Variants in MIGA1 observed in about 807,000 individuals in gnomAD.
MIGA1 encodes the protein family with sequence similarity 73, member A.
Under a neutral mutation model 82.0 loss-of-function variants are expected in MIGA1, and 58 were observed. The ratio of observed to expected loss-of-function variants is 0.71; its 90% confidence interval spans 0.57 to 0.88. The LOEUF is 0.88. Ranked by LOEUF, MIGA1 falls within the 40% of genes least tolerant of loss-of-function variation. The pLI, the probability that MIGA1 is intolerant of heterozygous loss-of-function variation, is 0.00. For synonymous variants in MIGA1, 249 were observed against 253.6 expected, an observed-to-expected ratio of 0.98 and a Z score of 0.17; for missense variants, 751 against 749.1, an observed-to-expected ratio of 1.00 and a Z score of -0.03.
intron 7 of MIGA1, among the ~76,000 whole-genome samples, chr1:77,818,102 T>C (rs189024388): frequency 1.1e-4 from 16 of 151,620 alleles, no homozygotes; most frequent in African/African-American, 3.9e-4. Context: ...ACTACAGGTG[T>C]GTGCCACCAC....
rs1490857337 is a variant in MIGA1 at position 77,859,062 on chromosome 1, A to G, written c.1115+6A>G. On this transcript the variant is annotated splice_donor_region_variant and intron_variant, in intron 9 of 15. Coordinates refer to ENST00000370791, the MANE Select transcript of MIGA1 (RefSeq NM_198549.4). ...ATTTACTCCAGAGTACTGAGGTACC[A>G]TTTCAGTTTTGTTTATGTTTATGAA... The G allele has an allele frequency of 2.0e-6, 3 of 1,527,532 alleles. No homozygotes were observed. The South Asian group carries it at 3.4e-5, about 17-fold the overall frequency. The allele number at this position is 1,527,532 out of a possible 1,614,324, so 94.6% of individuals were successfully genotyped here.
chr1:77,852,507 T>C (rs1685093216), intron 8 of MIGA1, among the ~76,000 whole-genome samples: 1 of 152,102 alleles, frequency 6.6e-6, no homozygotes, highest in Non-Finnish European at 1.5e-5. Flanking sequence ...ATCATAAATA[T>C]TGCTGATGCT....
At chr1:77,847,536 A>G in intron 8 of MIGA1, 1 of 1,466,174 alleles carries the variant, frequency 6.8e-7, no homozygotes, top group Non-Finnish European at 9.6e-7. Context: ...AGAAATGGAA[A>G]AGGGAGAGTT....
At chr1:77,788,534 G>A (rs749964852) in intron 2 of MIGA1, among the ~76,000 whole-genome samples, 1 of 152,060 alleles carries the variant, frequency 6.6e-6, no homozygotes, top group Non-Finnish European at 1.5e-5. Flanking sequence ...TTTGTTGCCT[G>A]TGTCTTCATT....
intron 7 of MIGA1, among the ~76,000 whole-genome samples, chr1:77,839,687 G>A (rs189517144): frequency 1.3e-5 from 2 of 151,988 alleles, no homozygotes; most frequent in Admixed American, 6.6e-5. Context: ...TTGGTTTTCC[G>A]TTTTCCATGC....
rs781497850 is a variant in MIGA1 at position 77,828,551 on chromosome 1, AG to A, written c.895+13321del. Among the ~76,000 whole-genome samples, 112 of 152,260 alleles carry A rather than the reference AG, an allele frequency of 7.4e-4. 3 individuals carry two copies. The highest frequency in any genetic ancestry group is 2.2e-4 in the Non-Finnish European group (15 of 68,048). On this transcript the variant is annotated intron_variant, in intron 7 of 15. Transcript: ENST00000370791. ...TACAGAACTTTATTTTTAGTGAAGTAGAAATTTAAAACTAATTTTTTAAGTA... is the reference window on the plus strand; with the variant it reads ...TACAGAACTTTATTTTTAGTGAAGTAAAATTTAAAACTAATTTTTTAAGTA...
chr1:77,785,247 G>A (rs545085961), intron 2 of MIGA1, among the ~76,000 whole-genome samples: 135 of 152,284 alleles, frequency 8.9e-4, no homozygotes, highest in Non-Finnish European at 1.4e-3. Context: ...GGGGGTATGG[G>A]CATTGGGTAA....
intron 2 of MIGA1, among the ~76,000 whole-genome samples, chr1:77,792,734 A>C (rs1682477666): frequency 6.6e-6 from 1 of 151,732 alleles, no homozygotes; most frequent in Admixed American, 6.6e-5. Flanking sequence ...ATCTTCAATG[A>C]AATGAAATGT....
At chr1:77,800,883 T>A (rs1057340030) in intron 2 of MIGA1, among the ~76,000 whole-genome samples, 1 of 152,334 alleles carries the variant, frequency 6.6e-6, no homozygotes, top group East Asian at 1.9e-4. Context: ...ATTTGTTAAA[T>A]AATTTGTGAA....
chr1:77,856,782 C>T (rs560919592), intron 8 of MIGA1, among the ~76,000 whole-genome samples: 19 of 152,114 alleles, frequency 1.2e-4, no homozygotes, highest in South Asian at 2.1e-4. Flanking sequence ...CTTGGTTAAT[C>T]TTGCTAAAGG....
chr1:77,860,953 A>G (rs908754511), intron 11 of MIGA1: 55 of 309,996 alleles, frequency 1.8e-4, no homozygotes, highest in South Asian at 1.0e-4. Flanking sequence ...GCTATAACCA[A>G]ATTTTCATTT....
chr1:77,812,276 G>A (rs1412986800), intron 5 of MIGA1, among the ~76,000 whole-genome samples: 1 of 152,136 alleles, frequency 6.6e-6, no homozygotes, highest in Non-Finnish European at 1.5e-5. Flanking sequence ...CGAGACCAGT[G>A]TGGCCAGCAT....
rs959777869 is a variant in MIGA1 at position 77,878,900 on chromosome 1, C to T, written c.*3836C>T. The T allele has an allele frequency of 5.8e-6, 2 of 344,402 alleles. No homozygotes were observed. Among genetic ancestry groups the T allele is most frequent in the African/African-American group, 2.1e-5 (1 of 47,664 alleles). The allele number at this position is 344,402 out of a possible 1,614,324, so 21.3% of individuals were successfully genotyped here. ...TATTTGCATCCATTTACTATGATTC[C>T]GTTAATTTGTTGAATTAAATGCCTT... On this transcript the variant is annotated 3_prime_UTR_variant, in exon 16 of 16. Coordinates refer to ENST00000370791, the MANE Select transcript of MIGA1 (RefSeq NM_198549.4).
At chr1:77,841,741 C>CTTTTT (rs1259976112) in intron 7 of MIGA1, among the ~76,000 whole-genome samples, 1 of 150,306 alleles carries the variant, frequency 6.7e-6, no homozygotes, top group African/African-American at 2.4e-5. Context: ...TGCTTTCTTT[C>CTTTTT]TTTTCTTTTC....
intron 14 of MIGA1, among the ~76,000 whole-genome samples, chr1:77,872,043 C>T (rs1342369942): frequency 2.0e-5 from 3 of 152,096 alleles, no homozygotes; most frequent in African/African-American, 2.4e-5. Flanking sequence ...TCTTGGCTCA[C>T]TGCACCATCC....
chr1:77,848,118 G>C, intron 8 of MIGA1: 1 of 1,327,910 alleles, frequency 7.5e-7, no homozygotes, highest in Non-Finnish European at 1.1e-6. Context: ...CAGAGACGAG[G>C]AGAACCATTA....
intron 8 of MIGA1, chr1:77,848,677 G>T: frequency 6.3e-7 from 1 of 1,577,852 alleles, no homozygotes; most frequent in South Asian, 1.1e-5. Flanking sequence ...GAGACCACCT[G>T]AGGCAGTGAG....
At position 77,877,116 on chromosome 1, in the gene MIGA1, A is replaced by G. The variant is rs1646900152; in HGVS notation, c.*2052A>G. ...GTCTCCAACTCCTCATACCAGAGGC[A>G]TGTGTCACCATGTCTTACTCCTAAA... On this transcript the variant is annotated 3_prime_UTR_variant, in exon 16 of 16. Coordinates refer to ENST00000370791, the MANE Select transcript of MIGA1 (RefSeq NM_198549.4). 6.6e-6 allele frequency: 1 copy of G among 152,178 alleles called. No individual in the cohort carries two copies. Among genetic ancestry groups the G allele is most frequent in the African/African-American group, 2.4e-5 (1 of 41,446 alleles). 9.4% of individuals were successfully genotyped at this position (152,178 alleles called of 1,614,324 possible). A position where few individuals can be genotyped will look rare whatever the true frequency, so the allele number is the denominator to read the frequency against.
rs1049904353 is a variant in MIGA1, at chr1:77,848,795, A to G, written c.996+5388A>G. 9.1e-5 allele frequency: 112 copies of G among 1,236,864 alleles called. No individual in the cohort carries two copies. In the Admixed American group the frequency reaches 2.0e-3, roughly 23 times the overall value. The allele number at this position is 1,236,864 out of a possible 1,614,324, so 76.6% of individuals were successfully genotyped here. A position where few individuals can be genotyped will look rare whatever the true frequency, so the allele number is the denominator to read the frequency against. On this transcript the variant is annotated intron_variant, in intron 8 of 15. Coordinates refer to ENST00000370791, the MANE Select transcript of MIGA1 (RefSeq NM_198549.4). The stretch of plus-strand genomic sequence containing the variant: ...GCAAAGAGCTATATTGACAAACAAG[A>G]TGATTGATGGCTACCCCAAGAGAAA...
Sources: allele counts gnomAD v4.1 joint callset (sites outside exome capture counted in the v4.1 genomes callset), GRCh38; gene constraint gnomAD v4.1.1; transcripts MANE v1.5; gene names NCBI Gene and HGNC (gene_info 2026-07-23, HGNC 2026-07-21).